The following MACF1 variants were observed in gnomAD, a reference collection of about 807,000 sequenced individuals.
MACF1 encodes microtubule-actin cross-linking factor 1.
MACF1 carries 193 observed loss-of-function variants against 854.8 expected under a neutral mutation model. The observed-to-expected ratio is 0.23, with a 90% CI of 0.20 to 0.25. The LOEUF is 0.25. Ranked by LOEUF, MACF1 falls within the 10% of genes least tolerant of loss-of-function variation. MACF1 has a pLI of 1.00. For synonymous variants in MACF1, 3,185 were observed against 3,226.7 expected (o/e 0.99, Z 0.44); for missense variants, 7,722 against 8,929.1 (o/e 0.86, Z 5.45).
At chr1:39,374,576 A>G (rs1649547624) in intron 52 of MACF1, among the ~76,000 whole-genome samples, 1 of 152,198 alleles carries the variant, frequency 6.6e-6, no homozygotes, top group African/African-American at 2.4e-5. Flanking sequence ...TTTGCAGGGT[A>G]TATGGTCTCT....
At chr1:39,135,026 G>A (rs1452088864) in intron 2 of MACF1, among the ~76,000 whole-genome samples, 2 of 152,030 alleles carry the variant, frequency 1.3e-5, no homozygotes, top group Non-Finnish European at 2.9e-5. Flanking sequence ...TCATATAAGT[G>A]GAATCATACA....
chr1:39,367,367 C>CT (rs1244402166), intron 49 of MACF1, among the ~76,000 whole-genome samples: 2 of 151,642 alleles, frequency 1.3e-5, no homozygotes, highest in Admixed American at 6.6e-5. Flanking sequence ...ATTAAATTAA[C>CT]TTTTTTTAAA....
At chr1:39,086,218 G>C (rs1641670980) in intron 2 of MACF1, among the ~76,000 whole-genome samples, 1 of 152,212 alleles carries the variant, frequency 6.6e-6, no homozygotes, top group Admixed American at 6.5e-5. Flanking sequence ...ATTATGTGAT[G>C]TGACAGACTG....
At chr1:39,098,494 C>T (rs1641988597) in intron 2 of MACF1, among the ~76,000 whole-genome samples, 1 of 152,212 alleles carries the variant, frequency 6.6e-6, no homozygotes, top group Admixed American at 6.5e-5. Flanking sequence ...CACGGAGTGC[C>T]TTAACATCCA....
At chr1:39,405,656 G>A (rs1341342578) in intron 58 of MACF1, among the ~76,000 whole-genome samples, 1 of 152,228 alleles carries the variant, frequency 6.6e-6, no homozygotes, top group Non-Finnish European at 1.5e-5. Flanking sequence ...TTTCTTCTAA[G>A]TTCACTGAAG....
intron 89 of MACF1, chr1:39,456,594 T>C (rs550100288): frequency 6.6e-6 from 1 of 152,394 alleles, no homozygotes; most frequent in African/African-American, 2.4e-5. Context: ...TCCTGTGGGA[T>C]GTACCTCCTC....
intron 2 of MACF1, among the ~76,000 whole-genome samples, chr1:39,154,574 TG>T (rs1298271801): frequency 6.6e-6 from 1 of 152,108 alleles, no homozygotes; most frequent in Non-Finnish European, 1.5e-5. Context: ...GGGGGAACTA[TG>T]GGAACTCTAA....
intron 84 of MACF1, among the ~76,000 whole-genome samples, chr1:39,449,748 G>A (rs2148676438): frequency 6.7e-6 from 1 of 148,544 alleles, no homozygotes. Flanking sequence ...TCTGGCCCAG[G>A]CTGGAGTGCA....
At chr1:39,412,085 A>G (rs754026037) in intron 58 of MACF1, 2 of 1,613,986 alleles carry the variant, frequency 1.2e-6, no homozygotes, top group Non-Finnish European at 1.7e-6. Context: ...CTGAACTCTG[A>G]TCACAGGGTT....
chr1:39,158,471 A>G (rs1643733694), intron 2 of MACF1, among the ~76,000 whole-genome samples: 1 of 152,192 alleles, frequency 6.6e-6, no homozygotes, highest in South Asian at 2.1e-4. Context: ...TCTCATTGCC[A>G]TGTAATATTT....
intron 6 of MACF1, among the ~76,000 whole-genome samples, chr1:39,265,415 TAA>T (rs1389054274): frequency 6.6e-6 from 1 of 152,166 alleles, no homozygotes; most frequent in Non-Finnish European, 1.5e-5. Flanking sequence ...AGTCTTGTGT[TAA>T]GAGACCAGGT....
intron 6 of MACF1, among the ~76,000 whole-genome samples, chr1:39,272,910 G>T (rs934928042): frequency 1.3e-5 from 2 of 152,078 alleles, no homozygotes; most frequent in Non-Finnish European, 2.9e-5. Flanking sequence ...AATAGCAATC[G>T]CTCTTTGATG....
At chr1:39,378,187 C>T (rs571091205) in intron 52 of MACF1, among the ~76,000 whole-genome samples, 24 of 152,150 alleles carry the variant, frequency 1.6e-4, no homozygotes, top group Admixed American at 5.2e-4. Flanking sequence ...AAAATTAGGG[C>T]GGCATCCAGA....
At chr1:39,106,123 C>T (rs1395080275) in intron 2 of MACF1, among the ~76,000 whole-genome samples, 3 of 151,880 alleles carry the variant, frequency 2.0e-5, no homozygotes, top group Admixed American at 6.6e-5. Flanking sequence ...TCTGTGTGCC[C>T]GCGGAGAGTC....
At chr1:39,300,988 A>C (rs1371579574) in intron 22 of MACF1, among the ~76,000 whole-genome samples, 1 of 152,100 alleles carries the variant, frequency 6.6e-6, no homozygotes, top group South Asian at 2.1e-4. Flanking sequence ...CACTGTTTGC[A>C]CTCTAGCCTG....
At position 39,335,737 on chromosome 1, in the gene MACF1, C is replaced by G; in HGVS notation, c.9149C>G (p.Pro3050Arg). The G allele has an allele frequency of 6.2e-7, 1 of 1,613,896 alleles. No individual in the cohort carries two copies. ...GAAGAGTCCTCTTCCCAAGTGGTAC[C>G]TCAAGGAATTTCTGTAAAACATTTA... ...KIEESSSQVVPQGISVKHLDA... is the reference protein window; with the variant it reads ...KIEESSSQVVRQGISVKHLDA... The change falls in exon 37 of 101, where the codon CCT becomes CGT. Residue 3050 changes from proline (P) to arginine (R), a missense_variant. Physicochemically the swap from Pro to Arg is moderately radical, Grantham distance 103. Around this residue, in one of 15 missense-constraint regions of MACF1, gnomAD observed 854 missense variants for 852.6 expected, o/e 1.00. Coordinates refer to ENST00000564288, the MANE Select transcript of MACF1 (RefSeq NM_001394062.1).
rs540515295 is a variant in MACF1 at position 39,113,338 on chromosome 1, C to T, written c.220+28900C>T. 2.6e-5 allele frequency among the ~76,000 whole-genome samples: 4 copies of T among 152,284 alleles called. No individual in the cohort carries two copies. The South Asian group carries it at 8.3e-4, about 32-fold the overall frequency. On this transcript the variant is annotated intron_variant, in intron 2 of 93. Transcript: ENST00000361689. ...GAAAAAAAAATCACTTCCTATATGT[C>T]TCAATCCAACATGTTCCTGCAGGTT...
intron 15 of MACF1, 70 bp downstream of exon 15, chr1:39,287,632 C>A: frequency 6.5e-7 from 1 of 1,545,954 alleles, no homozygotes. Flanking sequence ...TCTAAGAGGA[C>A]CAAATTGCTT....
chr1:39,167,749 C>T (rs765508080), intron 2 of MACF1, among the ~76,000 whole-genome samples: 2 of 151,640 alleles, frequency 1.3e-5, no homozygotes, highest in African/African-American at 2.4e-5. Context: ...TGACAGGCAC[C>T]TATAATCTCA....
Sources: gnomAD v4.1 joint callset for allele counts (sites outside exome capture counted in the v4.1 genomes callset) on GRCh38, gnomAD v4.1.1 for gene constraint, gnomAD v4.1.1 regional missense constraint, MANE v1.5 for transcripts, NCBI Gene and HGNC (gene_info 2026-07-23, HGNC 2026-07-21) for gene names.